The following FRRS1 variants were observed in gnomAD, a reference collection of about 807,000 sequenced individuals.
FRRS1 encodes the protein ferric chelate reductase 1.
Under a neutral mutation model 70.7 loss-of-function variants are expected in FRRS1, and 51 were observed. That is an observed-to-expected ratio of 0.72 (90% CI 0.58 to 0.91). FRRS1 has a LOEUF of 0.91. Among genes scored for constraint, FRRS1 ranks in the 40% least tolerant of loss-of-function variants. The probability of loss-of-function intolerance (pLI) is 0.00; values close to 1 mark genes in which losing one functional copy is unlikely to be tolerated. For missense variants in FRRS1, 672 were observed against 726.0 expected, an observed-to-expected ratio of 0.93 and a Z score of 0.86; for synonymous variants, 225 against 238.7, an observed-to-expected ratio of 0.94 and a Z score of 0.53.
chr1:99,752,108 G>T (rs1656599150), intron 1 of FRRS1, among the ~76,000 whole-genome samples: 1 of 152,116 alleles, frequency 6.6e-6, no homozygotes, highest in South Asian at 2.1e-4. Context: ...GTTGTGGTTG[G>T]TTTGATCTTC....
chr1:99,763,926 C>T (rs991647639), intron 1 of FRRS1, among the ~76,000 whole-genome samples: 2 of 150,000 alleles, frequency 1.3e-5, no homozygotes, highest in Non-Finnish European at 3.0e-5. Flanking sequence ...AAAACCCATA[C>T]AGTTAAGCAA....
At chr1:99,751,097 C>T (rs1018741509) in intron 1 of FRRS1, among the ~76,000 whole-genome samples, 1 of 152,132 alleles carries the variant, frequency 6.6e-6, no homozygotes, top group African/African-American at 2.4e-5. Flanking sequence ...AATAAAAAAG[C>T]AGAGGAAGAG....
chr1:99,720,370 G>T (rs6681996), intron 9 of FRRS1, among the ~76,000 whole-genome samples: 10 of 151,730 alleles, frequency 6.6e-5, no homozygotes, highest in African/African-American at 2.2e-4. Context: ...TTCTATGCTG[G>T]CAAAAAATAA....
At chr1:99,722,621 A>G (rs1427203010) in intron 9 of FRRS1, among the ~76,000 whole-genome samples, 3 of 152,224 alleles carry the variant, frequency 2.0e-5, no homozygotes, top group Non-Finnish European at 4.4e-5. Flanking sequence ...ATCACTGCCC[A>G]AAAGACATTT....
At chr1:99,718,373 G>C (rs1027295067) in intron 10 of FRRS1, among the ~76,000 whole-genome samples, 1 of 152,134 alleles carries the variant, frequency 6.6e-6, no homozygotes, top group Non-Finnish European at 1.5e-5. Flanking sequence ...CTGTTGCCCA[G>C]GCTGGAGTGC....
intron 1 of FRRS1, among the ~76,000 whole-genome samples, chr1:99,750,968 C>T (rs1052345532): frequency 1.3e-5 from 2 of 152,086 alleles, no homozygotes; most frequent in Non-Finnish European, 2.9e-5. Flanking sequence ...AATATTATTT[C>T]TGGAAGTGTC....
intron 1 of FRRS1, among the ~76,000 whole-genome samples, chr1:99,754,176 C>A (rs1656711579): frequency 6.6e-6 from 1 of 152,156 alleles, no homozygotes; most frequent in Non-Finnish European, 1.5e-5. Flanking sequence ...CAGAAATGGA[C>A]AGATCCAGGC....
At chr1:99,765,985 T>C (rs1398107954) in intron 1 of FRRS1, among the ~76,000 whole-genome samples, 1 of 152,108 alleles carries the variant, frequency 6.6e-6, no homozygotes, top group Non-Finnish European at 1.5e-5. Flanking sequence ...CTGAAAAGTT[T>C]AGCTATGTTA....
At chr1:99,718,050 G>A (rs190099937) in intron 10 of FRRS1, among the ~76,000 whole-genome samples, 2 of 152,310 alleles carry the variant, frequency 1.3e-5, no homozygotes, top group Admixed American at 1.3e-4. Flanking sequence ...GCTACAACAT[G>A]AGTAGAAGTA....
intron 4 of FRRS1, among the ~76,000 whole-genome samples, chr1:99,745,579 G>A (rs910424533): frequency 3.9e-5 from 6 of 152,256 alleles, no homozygotes; most frequent in Admixed American, 3.9e-4. Context: ...AGCTACTCAG[G>A]AGGCTGAGGC....
At chr1:99,742,028 TCC>T in intron 5 of FRRS1, 149 bp downstream of exon 5, 1 of 541,820 alleles carries the variant, frequency 1.8e-6, no homozygotes, top group Non-Finnish European at 3.3e-6. Context: ...AACTTTTTTT[TCC>T]TTTTTTTAGA....
intron 1 of FRRS1, among the ~76,000 whole-genome samples, chr1:99,752,014 T>C (rs1310914286): frequency 1.3e-5 from 2 of 152,182 alleles, no homozygotes; most frequent in Non-Finnish European, 2.9e-5. Context: ...GGGACCTCTC[T>C]CTTAGGGACC....
intron 7 of FRRS1, among the ~76,000 whole-genome samples, chr1:99,733,229 A>C (rs1655485549): frequency 6.6e-6 from 1 of 152,196 alleles, no homozygotes; most frequent in South Asian, 2.1e-4. Context: ...TCATGGAAGC[A>C]AGAGGACTAA....
rs757918715 is a variant in FRRS1, at chr1:99,717,494, A to G, written c.1152T>C (p.Thr384=). 9 of 1,613,964 alleles carry G rather than the reference A, an allele frequency of 5.6e-6. No individual in the cohort carries two copies. Among genetic ancestry groups the G allele is most frequent in the Middle Eastern group, 1.7e-4 (1 of 6,060 alleles). The change falls in exon 11 of 17, where the codon ACT becomes ACC. Residue 384 remains threonine, a synonymous_variant. Transcript: ENST00000646001. Reference sequence around the variant, plus strand: ...GGGCAACCAGTACACCTATGCTAACAGTAGTCATCCATGCCACAAACATTA... The same window carrying G: ...GGGCAACCAGTACACCTATGCTAACGGTAGTCATCCATGCCACAAACATTA... The part of the protein sequence containing the change: ...GALMFVAWMT[T]VSIGVLVARF...
chr1:99,710,755 A>G (rs956616497), intron 15 of FRRS1, 51 bp downstream of exon 15: 8 of 1,535,180 alleles, frequency 5.2e-6, no homozygotes, highest in Middle Eastern at 3.4e-4. Context: ...TTCTTTTCCA[A>G]TGGTTTGTAT....
chr1:99,745,788 G>A (rs1320954504), intron 4 of FRRS1, among the ~76,000 whole-genome samples: 3 of 152,184 alleles, frequency 2.0e-5, no homozygotes, highest in Non-Finnish European at 4.4e-5. Flanking sequence ...GGGAACTGGT[G>A]GGAGGTGTTT....
chr1:99,748,413 A>T (rs759965167), intron 3 of FRRS1, 160 bp downstream of exon 3: 7 of 616,076 alleles, frequency 1.1e-5, no homozygotes, highest in Non-Finnish European at 2.0e-5. Flanking sequence ...CAGACTACTT[A>T]AGTAATACAG....
Position 99,712,520 on chromosome 1 carries a change from A to G in FRRS1, c.1324-5T>C. ...GTATGGGTGGTAACCTGCATGCTAA[A>G]CAAAGTTACATCATTTTAATGGCCT... On this transcript the variant is annotated splice_region_variant and splice_polypyrimidine_tract_variant and intron_variant, in intron 12 of 16. Coordinates refer to ENST00000646001, the MANE Select transcript of FRRS1 (RefSeq NM_001361041.2). The G allele has an allele frequency of 1.3e-6, 2 of 1,555,986 alleles. No individual in the cohort carries two copies. The highest frequency in any genetic ancestry group is 2.2e-5 in the East Asian group (1 of 44,486).
intron 8 of FRRS1, 137 bp downstream of exon 8, chr1:99,729,513 C>G: frequency 1.8e-6 from 1 of 546,608 alleles, no homozygotes; most frequent in East Asian, 2.9e-5. Context: ...TGAGAGGAGC[C>G]CTGCTGGCAG....
Sources: allele counts gnomAD v4.1 joint callset (sites outside exome capture counted in the v4.1 genomes callset), GRCh38; gene constraint gnomAD v4.1.1; transcripts MANE v1.5; gene names NCBI Gene and HGNC (gene_info 2026-07-23, HGNC 2026-07-21).